The following COL22A1 variants were observed in gnomAD, a reference collection of about 807,000 sequenced individuals.
COL22A1 encodes collagen type XXII alpha 1 chain.
A neutral mutation model predicts 248.9 loss-of-function variants in COL22A1; 221 were observed. That is an observed-to-expected ratio of 0.89 (90% CI 0.80 to 0.99). COL22A1 has a LOEUF of 0.99. COL22A1 is among the 50% of genes least tolerant of loss of function. The pLI, the probability that COL22A1 is intolerant of heterozygous loss-of-function variation, is 0.00. For missense variants in COL22A1, 2,240 were observed against 2,179.0 expected (o/e 1.03, Z -0.56); for synonymous variants, 891 against 793.4 (o/e 1.12, Z -2.07).
intron 7 of COL22A1, among the ~76,000 whole-genome samples, chr8:138,814,168 T>A (rs547315722): frequency 7.1e-4 from 108 of 152,338 alleles, no homozygotes; most frequent in Non-Finnish European, 1.1e-3. Context: ...ACTTGCACTC[T>A]GCAGCATCTA....
chr8:138,724,785 C>A, intron 24 of COL22A1, 117 bp from the exon 25 acceptor site: 2 of 889,122 alleles, frequency 2.2e-6, no homozygotes. Flanking sequence ...CACCCTGGGG[C>A]CTCTACTGTC....
intron 23 of COL22A1, among the ~76,000 whole-genome samples, chr8:138,734,474 CACATGGATATGT>C (rs1830957296): frequency 6.6e-6 from 1 of 152,176 alleles, no homozygotes; most frequent in African/African-American, 2.4e-5. Context: ...GCAAGGTAGA[CACATGGATATGT>C]CAGGAAGAGT....
chr8:138,782,644 C>G (rs1365196206), intron 12 of COL22A1, among the ~76,000 whole-genome samples: 1 of 152,220 alleles, frequency 6.6e-6, no homozygotes. Context: ...TAAACACACC[C>G]TGGAAGTCTC....
chr8:138,877,823 G>A lies in COL22A1; in HGVS notation c.585C>T (p.Ala195=), dbSNP rs1230465170. 1.2e-6 allele frequency: 2 copies of A among 1,612,378 alleles called. No individual in the cohort carries two copies. The highest frequency in any genetic ancestry group is 1.3e-5 in the African/African-American group (1 of 74,888). The change falls in exon 3 of 65, where the codon GCC becomes GCT. Residue 195 remains alanine (A), a synonymous_variant. Transcript: ENST00000303045. ...TGAAGTCGGACACGTGGAAGACGTGGGCGGACTTGGGCTCTGAGGCGATCT... is the reference window on the plus strand; with the variant it reads ...TGAAGTCGGACACGTGGAAGACGTGAGCGGACTTGGGCTCTGAGGCGATCT... ...LEEIASEPKS[A]HVFHVSDFNA...
At position 138,780,945 on chromosome 8, in the gene COL22A1, G is replaced by C; in HGVS notation, c.1632C>G (p.Asp544Glu). 6.2e-7 allele frequency: 1 copy of C among 1,613,302 alleles called. No homozygotes were observed. Among genetic ancestry groups the C allele is most frequent in the East Asian group, 2.2e-5 (1 of 44,870 alleles). The change falls in exon 13 of 65, where the codon GAC becomes GAG. Residue 544 changes from aspartate (D) to glutamate (E), a missense_variant. By Grantham distance (45) the Asp-to-Glu change is conservative. Coordinates refer to ENST00000303045, the MANE Select transcript of COL22A1 (RefSeq NM_152888.3). ...AACTTACTCTCATGCCTTTGCTGCC[G>C]TCTCTCCCAGGGGGGCCGGGCAGGC... is the stretch of plus-strand genomic sequence containing the variant. ...SLGLPGPPGR[D>E]GSKGMRGEPG...
intron 45 of COL22A1, among the ~76,000 whole-genome samples, chr8:138,650,719 C>T (rs550174597): frequency 1.9e-4 from 23 of 123,780 alleles, no homozygotes; most frequent in African/African-American, 6.7e-4. Flanking sequence ...GATAGATAGA[C>T]AGATAGACAG....
intron 1 of COL22A1, among the ~76,000 whole-genome samples, chr8:138,897,869 G>A (rs1814241492): frequency 6.6e-6 from 1 of 152,028 alleles, no homozygotes; most frequent in Non-Finnish European, 1.5e-5. Context: ...CCATGGACTG[G>A]GTGGCTTTTA....
intron 11 of COL22A1, among the ~76,000 whole-genome samples, chr8:138,798,010 C>A (rs979582411): frequency 1.3e-5 from 2 of 151,610 alleles, no homozygotes; most frequent in Non-Finnish European, 2.9e-5. Flanking sequence ...TATTTTCCAT[C>A]CTTTTATTTT....
At chr8:138,895,819 A>T (rs1218110466) in intron 1 of COL22A1, among the ~76,000 whole-genome samples, 3 of 152,232 alleles carry the variant, frequency 2.0e-5, no homozygotes, top group Non-Finnish European at 4.4e-5. Context: ...ATTTATCCCC[A>T]AACAGAATAA....
At chr8:138,855,341 C>A (rs571871411) in intron 3 of COL22A1, among the ~76,000 whole-genome samples, 44 of 152,298 alleles carry the variant, frequency 2.9e-4, no homozygotes, top group Admixed American at 2.5e-3. Flanking sequence ...AGAGGTAAAG[C>A]CCCTCATCCA....
chr8:138,861,028 T>G (rs1307053596), intron 3 of COL22A1, among the ~76,000 whole-genome samples: 1 of 152,110 alleles, frequency 6.6e-6, no homozygotes, highest in Non-Finnish European at 1.5e-5. Context: ...TCCCCAGATT[T>G]GCTCAGCTCC....
At chr8:138,783,306 T>C (rs1282623173) in intron 12 of COL22A1, among the ~76,000 whole-genome samples, 1 of 152,032 alleles carries the variant, frequency 6.6e-6, no homozygotes, top group Non-Finnish European at 1.5e-5. Context: ...TATATTTTTT[T>C]CAAAGGGGGA....
At chr8:138,687,893 G>A (rs1054944727) in intron 37 of COL22A1, among the ~76,000 whole-genome samples, 2 of 152,204 alleles carry the variant, frequency 1.3e-5, no homozygotes, top group African/African-American at 2.4e-5. Flanking sequence ...CTGATGCCAG[G>A]AGCAGTTACT....
chr8:138,665,352 G>C (rs72727878), intron 41 of COL22A1, among the ~76,000 whole-genome samples: 2,829 of 152,310 alleles, frequency 0.019, 39 homozygotes, highest in Middle Eastern at 0.048. Context: ...GTTATAGCAG[G>C]GGTCCACAGG....
chr8:138,890,955 G>T (rs1825021351), intron 1 of COL22A1, among the ~76,000 whole-genome samples: 1 of 152,012 alleles, frequency 6.6e-6, no homozygotes, highest in Non-Finnish European at 1.5e-5. Flanking sequence ...CCCAGGAGGT[G>T]GAGGTTGCAG....
chr8:138,646,594 T>G (rs368125690), intron 47 of COL22A1, 35 bp downstream of exon 47: 40 of 1,514,886 alleles, frequency 2.6e-5, no homozygotes, highest in Non-Finnish European at 3.5e-5. Context: ...ATGAGCAGAA[T>G]AGATCCATGC....
At chr8:138,842,378 T>C (rs1820949097) in intron 4 of COL22A1, among the ~76,000 whole-genome samples, 1 of 152,208 alleles carries the variant, frequency 6.6e-6, no homozygotes, top group Admixed American at 6.5e-5. Context: ...TGTTAGATAA[T>C]GAATTACTTG....
chr8:138,869,770 C>G (rs1484964446), intron 3 of COL22A1, among the ~76,000 whole-genome samples: 1 of 152,188 alleles, frequency 6.6e-6, no homozygotes, highest in Non-Finnish European at 1.5e-5. Flanking sequence ...AGGGCAGGGC[C>G]TGGGCTGACT....
In COL22A1 at chr8:138,877,970, G is replaced by T. The variant is rs557473573; in HGVS notation, c.438C>A (p.Ala146=). The T allele has an allele frequency of 4.4e-6, 7 of 1,592,648 alleles. No homozygotes were observed. The East Asian group carries it at 1.4e-4, about 31-fold the overall frequency. The change falls in exon 3 of 65, where the codon GCC becomes GCA. Residue 146 remains alanine (A), a synonymous_variant. Coordinates refer to ENST00000303045, the MANE Select transcript of COL22A1 (RefSeq NM_152888.3). ...GGCTGCGGCCGTCGGTGAGCAGGAT[G>T]GCCACCTGCTTGTAGGCGCGGTCCC... ...RPRDRAYKQV[A]ILLTDGRSQD... is the part of the protein sequence containing the mutation.
Sources: gnomAD v4.1 joint callset for allele counts (sites outside exome capture counted in the v4.1 genomes callset) on GRCh38, gnomAD v4.1.1 for gene constraint, MANE v1.5 for transcripts, NCBI Gene and HGNC (gene_info 2026-07-23, HGNC 2026-07-21) for gene names.